Variants in EIF4ENIF1 observed in about 807,000 individuals in gnomAD.
EIF4ENIF1 encodes eukaryotic translation initiation factor 4E transporter.
Under a neutral mutation model 110.5 loss-of-function variants are expected in EIF4ENIF1, and 23 were observed. The observed-to-expected ratio is 0.21, with a 90% CI of 0.15 to 0.29. The LOEUF (loss-of-function observed/expected upper bound fraction) is 0.29. EIF4ENIF1 is among the 10% of genes least tolerant of loss of function. The pLI, the probability that EIF4ENIF1 is intolerant of heterozygous loss-of-function variation, is 1.00. For synonymous variants in EIF4ENIF1, 440 were observed against 437.0 expected (o/e 1.01, Z -0.09); for missense variants, 1,031 against 1,221.1 (o/e 0.84, Z 2.32).
chr22:31,474,273 C>T (rs923257905), intron 2 of EIF4ENIF1, among the ~76,000 whole-genome samples: 8 of 152,098 alleles, frequency 5.3e-5, no homozygotes, highest in Non-Finnish European at 1.0e-4. Context: ...GTTGACCAGA[C>T]TGCTCTGCAA....
At position 31,463,674 on chromosome 22, in the gene EIF4ENIF1, GACAA is replaced by G; in HGVS notation, c.585+3_585+6del. 8.8e-7 allele frequency: 1 copy of G among 1,131,220 alleles called. No individual in the cohort carries two copies. The allele number at this position is 1,131,220 out of a possible 1,614,324, so 70.1% of individuals were successfully genotyped here. On this transcript the variant is annotated splice_donor_5th_base_variant and intron_variant, in intron 5 of 18. Coordinates refer to ENST00000330125, the MANE Select transcript of EIF4ENIF1 (RefSeq NM_019843.4). ...TTTAAAAAAAAAAAAAAAAAAAAAA[GACAA>G]ACCCTGAAACGCTTGTCCTTGAAGT...
intron 4 of EIF4ENIF1, chr22:31,464,185 C>T (rs183073657): frequency 5.5e-5 from 28 of 509,992 alleles, no homozygotes; most frequent in Admixed American, 3.8e-4. Context: ...AAGTACGTCA[C>T]GATAAATAAT....
At chr22:31,445,105 A>G (rs5753620) in intron 14 of EIF4ENIF1, among the ~76,000 whole-genome samples, 12,008 of 152,250 alleles carry the variant, frequency 0.079, 734 homozygotes, top group East Asian at 0.33. Flanking sequence ...TAGACAGAAT[A>G]GGTACAGGAA....
chr22:31,445,482 T>G (rs545289991), intron 14 of EIF4ENIF1, among the ~76,000 whole-genome samples: 2 of 152,274 alleles, frequency 1.3e-5, no homozygotes, highest in Non-Finnish European at 2.9e-5. Context: ...GCTGTGACTG[T>G]GTGTATGACA....
chr22:31,479,217 C>A (rs1223336777), intron 2 of EIF4ENIF1, among the ~76,000 whole-genome samples: 1 of 151,964 alleles, frequency 6.6e-6, no homozygotes, highest in African/African-American at 2.4e-5. Flanking sequence ...CAGGCTCATG[C>A]CGCCATGCCC....
intron 10 of EIF4ENIF1, among the ~76,000 whole-genome samples, chr22:31,451,421 A>T (rs889504901): frequency 6.7e-6 from 1 of 150,308 alleles, no homozygotes; most frequent in African/African-American, 2.4e-5. Context: ...CTACAGGCAC[A>T]TGCCACCACG....
chr22:31,479,890 T>C (rs5997999), intron 2 of EIF4ENIF1, among the ~76,000 whole-genome samples: 31 of 151,884 alleles, frequency 2.0e-4, no homozygotes, highest in African/African-American at 6.8e-4. Context: ...TTAAAAAATT[T>C]TTTGTAGAGA....
chr22:31,450,413 C>A, intron 10 of EIF4ENIF1, 53 bp from the exon 11 acceptor site: 1 of 1,426,756 alleles, frequency 7.0e-7, no homozygotes, highest in Non-Finnish European at 9.9e-7. Flanking sequence ...ACTTAACTTA[C>A]AGATTGATTG....
intron 4 of EIF4ENIF1, among the ~76,000 whole-genome samples, chr22:31,467,676 A>G (rs1455500391): frequency 6.6e-6 from 1 of 152,106 alleles, no homozygotes; most frequent in East Asian, 1.9e-4. Context: ...TACAAAAACT[A>G]GCCAGGCATG....
chr22:31,469,000 A>T (rs747882667), intron 3 of EIF4ENIF1, among the ~76,000 whole-genome samples: 3 of 152,234 alleles, frequency 2.0e-5, no homozygotes, highest in Non-Finnish European at 2.9e-5. Context: ...CACCAGAAGT[A>T]GCACCTGGAT....
upstream of EIF4ENIF1, among the ~76,000 whole-genome samples, chr22:31,490,319 T>C (rs2052229678): frequency 6.6e-6 from 1 of 152,210 alleles, no homozygotes; most frequent in South Asian, 2.1e-4. Flanking sequence ...AGTGGGAATT[T>C]GAGATAGGAG....
Position 31,439,992 on chromosome 22 carries a change from C to G in EIF4ENIF1, c.2846G>C (p.Ser949Thr), listed in dbSNP as rs369412672. Reference sequence around the variant, plus strand: ...TTTGGCAAGGCCCACAGGGGAGCTGCTCCTCTGGCTGGGGCGATGCTCCAG... The same window carrying G: ...TTTGGCAAGGCCCACAGGGGAGCTGGTCCTCTGGCTGGGGCGATGCTCCAG... ...SQLEHRPSQR[S>T]SSPVGLAKWF... The change falls in exon 19 of 19, where the codon AGC becomes ACC. Residue 949 changes from serine to threonine, a missense_variant. Around this residue, in one of 3 missense-constraint regions of EIF4ENIF1, gnomAD observed 309 missense variants for 299.1 expected, o/e 1.03. Transcript: ENST00000330125. 2.5e-6 allele frequency: 4 copies of G among 1,614,016 alleles called. No individual in the cohort carries two copies. Among genetic ancestry groups the G allele is most frequent in the Non-Finnish European group, 3.4e-6 (4 of 1,179,930 alleles).
chr22:31,440,676 A>T, intron 18 of EIF4ENIF1, 28 bp downstream of exon 18: 8 of 1,606,790 alleles, frequency 5.0e-6, no homozygotes, highest in Non-Finnish European at 6.8e-6. Context: ...GTCCGTCCCA[A>T]ACTCACCTGT....
chr22:31,442,158 C>A, intron 16 of EIF4ENIF1, 40 bp from the exon 17 acceptor site: 1 of 1,487,238 alleles, frequency 6.7e-7, no homozygotes, highest in Non-Finnish European at 9.2e-7. Context: ...GCAAACCTCT[C>A]CCAAACACTT....
At chr22:31,485,855 C>T (rs1202489886) in intron 2 of EIF4ENIF1, among the ~76,000 whole-genome samples, 1 of 151,978 alleles carries the variant, frequency 6.6e-6, no homozygotes, top group Non-Finnish European at 1.5e-5. Flanking sequence ...GTGGCTCACA[C>T]CTATAATCCC....
chr22:31,473,063 CTTTT>C (rs36036794), intron 2 of EIF4ENIF1, among the ~76,000 whole-genome samples: 4 of 133,170 alleles, frequency 3.0e-5, no homozygotes, highest in Admixed American at 7.6e-5. Flanking sequence ...TATGAGCGAG[CTTTT>C]TTTTTTTTTT....
intron 2 of EIF4ENIF1, among the ~76,000 whole-genome samples, chr22:31,476,567 A>C (rs542641382): frequency 6.6e-6 from 1 of 152,356 alleles, no homozygotes; most frequent in South Asian, 2.1e-4. Context: ...CCTGGATAGA[A>C]TCCTTGAACA....
rs544951650 is a variant in EIF4ENIF1 at position 31,448,198 on chromosome 22, A to G, written c.1803T>C (p.Asp601=). 1.2e-6 allele frequency: 2 copies of G among 1,614,156 alleles called. No individual in the cohort carries two copies. The highest frequency in any genetic ancestry group is 3.3e-5 in the Admixed American group (2 of 60,018). ...TGGGTTTGCGCATGCCTTGGAATGG[A>G]TCTCCGAGTAGCTGCTGTGGTCCTG... The part of the protein sequence containing the change: ...FTPGPQQLLG[D]PFQGMRKPMS... Residue 601 remains aspartate (D), a synonymous_variant, in exon 13 of 19, where the codon GAT becomes GAC. Coordinates refer to ENST00000330125, the MANE Select transcript of EIF4ENIF1 (RefSeq NM_019843.4).
intron 2 of EIF4ENIF1, among the ~76,000 whole-genome samples, chr22:31,485,374 TAAGA>T (rs2051978929): frequency 6.6e-6 from 1 of 152,124 alleles, no homozygotes; most frequent in Admixed American, 6.5e-5. Context: ...AGTCCTACCC[TAAGA>T]AAGAGAAATA....
Sources: allele counts gnomAD v4.1 joint callset (sites outside exome capture counted in the v4.1 genomes callset), GRCh38; gene constraint gnomAD v4.1.1; regional missense constraint gnomAD v4.1.1; transcripts MANE v1.5; gene names NCBI Gene and HGNC (gene_info 2026-07-23, HGNC 2026-07-21).